The following FHIT variants were observed in gnomAD, a reference collection of about 807,000 sequenced individuals.
FHIT encodes the protein fragile histidine triad diadenosine triphosphatase, also known as bis(5'-adenosyl)-triphosphatase.
In FHIT, 19 loss-of-function variants were observed where a neutral mutation model predicts 17.9. The ratio of observed to expected loss-of-function variants is 1.06; its 90% CI spans 0.74 to 1.56. The LOEUF is 1.56. Among genes scored for constraint, FHIT ranks in the 40% most tolerant of loss-of-function variants. The pLI is 0.00. For synonymous variants in FHIT, 81 were observed against 69.7 expected, an observed-to-expected ratio of 1.16 and a Z score of -0.81; for missense variants, 248 against 189.2, an observed-to-expected ratio of 1.31 and a Z score of -1.82.
At chr3:60,906,720 T>C (rs1467195140) in intron 3 of FHIT, among the ~76,000 whole-genome samples, 1 of 152,202 alleles carries the variant, frequency 6.6e-6, no homozygotes, top group Non-Finnish European at 1.5e-5. Context: ...AGGAGCTAAG[T>C]ATAGTTATAT....
chr3:59,808,413 A>C (rs1326145733), intron 8 of FHIT, among the ~76,000 whole-genome samples: 1 of 152,126 alleles, frequency 6.6e-6, no homozygotes, highest in African/African-American at 2.4e-5. Flanking sequence ...GCCCTCTCTG[A>C]CAAGCCCCTG....
chr3:60,094,476 A>G (rs1020893291), intron 5 of FHIT, among the ~76,000 whole-genome samples: 1 of 152,184 alleles, frequency 6.6e-6, no homozygotes, highest in Non-Finnish European at 1.5e-5. Context: ...CATCTGATAC[A>G]GAAATGAAAT....
chr3:60,380,343 G>A (rs1295528815), intron 5 of FHIT, among the ~76,000 whole-genome samples: 3 of 152,166 alleles, frequency 2.0e-5, no homozygotes, highest in Non-Finnish European at 4.4e-5. Flanking sequence ...CTTCTGCCAT[G>A]ATACTAAGTT....
At chr3:60,921,747 C>A (rs1212714439) in intron 3 of FHIT, among the ~76,000 whole-genome samples, 10 of 152,076 alleles carry the variant, frequency 6.6e-5, no homozygotes, top group Admixed American at 5.9e-4. Context: ...CAGACCTTCC[C>A]TTTGTCTTCA....
intron 8 of FHIT, among the ~76,000 whole-genome samples, chr3:59,860,085 G>A (rs566034852): frequency 1.7e-4 from 26 of 152,240 alleles, no homozygotes; most frequent in African/African-American, 4.1e-4. Context: ...AAAGGATACC[G>A]CAGTTCTTGC....
intron 3 of FHIT, among the ~76,000 whole-genome samples, chr3:60,985,133 A>G (rs1243741327): frequency 6.6e-6 from 1 of 152,126 alleles, no homozygotes; most frequent in Non-Finnish European, 1.5e-5. Flanking sequence ...ATGGCATTGA[A>G]GGACCTCCAA....
At chr3:59,897,968 C>T (rs1250330145) in intron 8 of FHIT, among the ~76,000 whole-genome samples, 1 of 151,942 alleles carries the variant, frequency 6.6e-6, no homozygotes, top group Non-Finnish European at 1.5e-5. Flanking sequence ...GGGGTTTCGC[C>T]GTGTTAGCCA....
chr3:60,039,002 G>A (rs1427836554), intron 5 of FHIT, among the ~76,000 whole-genome samples: 2 of 152,118 alleles, frequency 1.3e-5, no homozygotes, highest in Admixed American at 6.5e-5. Flanking sequence ...CAGAAGGTCT[G>A]GCTCTGAACT....
chr3:60,522,109 T>TG (rs1254318771), intron 5 of FHIT, among the ~76,000 whole-genome samples: 19 of 150,022 alleles, frequency 1.3e-4, no homozygotes, highest in African/African-American at 4.4e-4. Flanking sequence ...ACCAGAAGTT[T>TG]TTTTTTTTTT....
intron 5 of FHIT, among the ~76,000 whole-genome samples, chr3:60,326,359 C>G (rs1325832976): frequency 1.3e-5 from 2 of 152,092 alleles, no homozygotes; most frequent in Non-Finnish European, 2.9e-5. Context: ...GATCATCAGG[C>G]ATTAGGTTCT....
chr3:60,370,920 C>T (rs570499688), intron 5 of FHIT, among the ~76,000 whole-genome samples: 1 of 152,284 alleles, frequency 6.6e-6, no homozygotes, highest in Non-Finnish European at 1.5e-5. Context: ...GCTTTTGTGC[C>T]TCTCACTGCC....
intron 4 of FHIT, among the ~76,000 whole-genome samples, chr3:60,556,417 G>A (rs1399857419): frequency 6.6e-6 from 1 of 152,158 alleles, no homozygotes; most frequent in Non-Finnish European, 1.5e-5. Flanking sequence ...TCTCTTCCTT[G>A]GCTTCATATC....
intron 2 of FHIT, among the ~76,000 whole-genome samples, chr3:61,195,996 C>T (rs376039250): frequency 7.6e-4 from 116 of 151,944 alleles, no homozygotes; most frequent in African/African-American, 2.7e-3. Context: ...AAAAAAATTA[C>T]GTAATCATGA....
chr3:60,085,353 G>C (rs2361335), intron 5 of FHIT, among the ~76,000 whole-genome samples: 52,164 of 151,706 alleles, frequency 0.34, 10,075 homozygotes, highest in Middle Eastern at 0.57. Context: ...CCTTTGCTTG[G>C]GTTTTTTTCC....
intron 4 of FHIT, among the ~76,000 whole-genome samples, chr3:60,773,901 T>G (rs758271437): frequency 5.0e-4 from 76 of 152,246 alleles, no homozygotes; most frequent in Non-Finnish European, 8.8e-4. Context: ...ATCATCTTCT[T>G]GATTAGTATT....
chr3:61,134,300 A>C (rs1053820933), intron 2 of FHIT, among the ~76,000 whole-genome samples: 6 of 152,188 alleles, frequency 3.9e-5, no homozygotes, highest in Non-Finnish European at 7.3e-5. Flanking sequence ...AAAGCTGAAA[A>C]CAGTGATGAA....
intron 4 of FHIT, among the ~76,000 whole-genome samples, chr3:60,678,176 A>G (rs1434279060): frequency 6.6e-6 from 1 of 152,072 alleles, no homozygotes; most frequent in Admixed American, 6.6e-5. Context: ...TTTAACAACC[A>G]ATTTATATCA....
At chr3:60,074,122 T>G (rs1051844649) in intron 5 of FHIT, among the ~76,000 whole-genome samples, 4 of 152,054 alleles carry the variant, frequency 2.6e-5, no homozygotes, top group Non-Finnish European at 5.9e-5. Context: ...GACAGACACA[T>G]GGACTTAACT....
chr3:61,218,848 C>T (rs1035047223), intron 1 of FHIT, among the ~76,000 whole-genome samples: 14 of 152,170 alleles, frequency 9.2e-5, no homozygotes, highest in African/African-American at 3.1e-4. Flanking sequence ...TTCAAACCAA[C>T]CCCACCTTAC....
Sources: allele counts gnomAD v4.1 joint callset (sites outside exome capture counted in the v4.1 genomes callset), GRCh38; gene constraint gnomAD v4.1.1; transcripts MANE v1.5; gene names NCBI Gene and HGNC (gene_info 2026-07-23, HGNC 2026-07-21).